Variants in TMIGD3 observed in about 807,000 individuals in gnomAD.
The protein encoded by TMIGD3 is transmembrane and immunoglobulin domain containing 3.
A neutral mutation model predicts 28.1 loss-of-function variants in TMIGD3; 21 were observed. The observed-to-expected ratio is 0.75, with a 90% CI of 0.53 to 1.08. The LOEUF (loss-of-function observed/expected upper bound fraction) is 1.08, where lower values mean the gene tolerates loss of function less well. Ranked by LOEUF, TMIGD3 falls within the 50% of genes least tolerant of loss-of-function variation. TMIGD3 has a pLI of 0.00. For missense variants in TMIGD3, 416 were observed against 435.6 expected, an observed-to-expected ratio of 0.96 and a Z score of 0.40; for synonymous variants, 151 against 162.1, an observed-to-expected ratio of 0.93 and a Z score of 0.52.
Position 111,540,127 on chromosome 1 carries a change from A to G in TMIGD3, c.107+23719T>C, listed in dbSNP as rs149888081. On this transcript the variant is annotated intron_variant, in intron 1 of 5. Transcript: ENST00000369717. ...AATTGCTAATTGGGAATGTGATTAT[A>G]GTGGTTTGTAATTTGTTAACTTGGT... is the stretch of plus-strand genomic sequence containing the variant. Among the ~76,000 whole-genome samples the G allele has an allele frequency of 8.9e-3, 1,358 of 152,350 alleles. 22 individuals are homozygous for G. The highest frequency in any genetic ancestry group is 0.031 in the African/African-American group (1,288 of 41,576).
At chr1:111,537,274 T>C (rs1225358380) in intron 1 of TMIGD3, among the ~76,000 whole-genome samples, 1 of 152,210 alleles carries the variant, frequency 6.6e-6, no homozygotes, top group Non-Finnish European at 1.5e-5. Context: ...TTCACCTGGA[T>C]TCTGAGCTTT....
At chr1:111,509,074 G>T (rs986405883) in intron 1 of TMIGD3, among the ~76,000 whole-genome samples, 1 of 152,196 alleles carries the variant, frequency 6.6e-6, no homozygotes, top group African/African-American at 2.4e-5. Context: ...CAGCCTGGGC[G>T]ACAGAGCGAG....
At chr1:111,486,444 G>T (rs954458223) in intron 4 of TMIGD3, 142 bp downstream of exon 4, 12 of 640,490 alleles carry the variant, frequency 1.9e-5, no homozygotes, top group African/African-American at 1.8e-4. Context: ...TCAGATTAAG[G>T]ATACATAGTT....
At chr1:111,538,847 C>A (rs1158348034) in intron 1 of TMIGD3, among the ~76,000 whole-genome samples, 1 of 152,142 alleles carries the variant, frequency 6.6e-6, no homozygotes, top group African/African-American at 2.4e-5. Context: ...ACTTTATATA[C>A]TTTTTAAAAT....
rs117222374 is a variant in TMIGD3 at position 111,487,289 on chromosome 1, T to C, written c.806-637A>G. Among the ~76,000 whole-genome samples, 23 of 152,320 alleles carry C rather than the reference T, an allele frequency of 1.5e-4. No individual in the cohort carries two copies. The East Asian group carries it at 3.5e-3, about 23-fold the overall frequency. ...GCAGAACAACACAAAGTAGAAACAC[T>C]GTGGGTGTGAACGATGTTACATTCC... On this transcript the variant is annotated intron_variant, in intron 3 of 5. Coordinates refer to ENST00000369716, the MANE Select transcript of TMIGD3 (RefSeq NM_020683.7).
intron 1 of TMIGD3, among the ~76,000 whole-genome samples, chr1:111,492,321 G>A (rs1174250533): frequency 3.3e-5 from 5 of 152,150 alleles, no homozygotes; most frequent in South Asian, 2.1e-4. Context: ...TCTAAGTTTC[G>A]GGTGTAATTT....
chr1:111,518,029 G>T (rs1321317253), intron 1 of TMIGD3, among the ~76,000 whole-genome samples: 1 of 152,188 alleles, frequency 6.6e-6, no homozygotes, highest in African/African-American at 2.4e-5. Flanking sequence ...GTAGGCTGAG[G>T]TTCAGTGACT....
intron 1 of TMIGD3, among the ~76,000 whole-genome samples, chr1:111,502,360 G>A (rs1655268025): frequency 7.4e-6 from 1 of 135,160 alleles, no homozygotes; most frequent in Non-Finnish European, 1.6e-5. Context: ...ATATATATAG[G>A]ATACATATAT....
chr1:111,511,678 C>A (rs1249565892), intron 1 of TMIGD3, among the ~76,000 whole-genome samples: 2 of 151,048 alleles, frequency 1.3e-5, no homozygotes, highest in Non-Finnish European at 3.0e-5. Flanking sequence ...GCCCTTTACA[C>A]ACACACACAC....
At chr1:111,527,838 A>C (rs1656321952) in intron 1 of TMIGD3, among the ~76,000 whole-genome samples, 1 of 152,012 alleles carries the variant, frequency 6.6e-6, no homozygotes, top group Non-Finnish European at 1.5e-5. Context: ...CCCATCTTTT[A>C]ATTGGGTTGT....
At chr1:111,551,247 A>T (rs1657246609) in intron 1 of TMIGD3, among the ~76,000 whole-genome samples, 2 of 152,166 alleles carry the variant, frequency 1.3e-5, no homozygotes, top group Non-Finnish European at 2.9e-5. Context: ...GTAATTACTG[A>T]AAAGAAAGGG....
chr1:111,539,405 C>A (rs953617374), intron 1 of TMIGD3, among the ~76,000 whole-genome samples: 1 of 152,212 alleles, frequency 6.6e-6, no homozygotes, highest in East Asian at 1.9e-4. Flanking sequence ...TCAAGCGATT[C>A]TCTTGCCTCA....
At chr1:111,561,333 A>G (rs925266651) in intron 1 of TMIGD3, among the ~76,000 whole-genome samples, 2 of 152,168 alleles carry the variant, frequency 1.3e-5, no homozygotes, top group Non-Finnish European at 2.9e-5. Flanking sequence ...CATGTTTCCC[A>G]GGCTGGTCTC....
intron 1 of TMIGD3, among the ~76,000 whole-genome samples, chr1:111,550,373 G>A (rs547998361): frequency 1.3e-5 from 2 of 151,534 alleles, no homozygotes; most frequent in South Asian, 4.2e-4. Context: ...TCTTGCTTTG[G>A]GTTCAGTTTG....
intron 1 of TMIGD3, among the ~76,000 whole-genome samples, chr1:111,561,445 G>A (rs1657732793): frequency 6.6e-6 from 1 of 152,156 alleles, no homozygotes; most frequent in Admixed American, 6.5e-5. Context: ...TTAGATGGAG[G>A]ATCTGGTGGC....
At chr1:111,520,860 C>G (rs1239249734) in intron 1 of TMIGD3, among the ~76,000 whole-genome samples, 1 of 152,174 alleles carries the variant, frequency 6.6e-6, no homozygotes, top group Non-Finnish European at 1.5e-5. Context: ...AATTAGCATG[C>G]AATAAATTGC....
At chr1:111,561,971 A>T (rs1657758452) in intron 1 of TMIGD3, among the ~76,000 whole-genome samples, 1 of 151,782 alleles carries the variant, frequency 6.6e-6, no homozygotes, top group African/African-American at 2.4e-5. Context: ...GGTCATCCCT[A>T]GTTTAAATTT....
intron 1 of TMIGD3, among the ~76,000 whole-genome samples, chr1:111,491,929 C>T (rs1342005916): frequency 6.6e-6 from 1 of 152,172 alleles, no homozygotes; most frequent in African/African-American, 2.4e-5. Context: ...AATTCATGCC[C>T]TTATGTAGTC....
chr1:111,524,144 C>G (rs1395810683), intron 1 of TMIGD3, among the ~76,000 whole-genome samples: 2 of 150,500 alleles, frequency 1.3e-5, no homozygotes, highest in African/African-American at 2.4e-5. Context: ...ATTCTCCTGC[C>G]TCAGCCTCCC....
Sources: gnomAD v4.1 joint callset for allele counts (sites outside exome capture counted in the v4.1 genomes callset) on GRCh38, gnomAD v4.1.1 for gene constraint, MANE v1.5 for transcripts, NCBI Gene and HGNC (gene_info 2026-07-23, HGNC 2026-07-21) for gene names.